ORC4: variants seen among roughly 807,000 people sequenced by gnomAD.
The protein encoded by ORC4 is origin recognition complex subunit 4.
ORC4 carries 55 observed loss-of-function variants against 63.9 expected under a neutral mutation model. That is an observed-to-expected ratio of 0.86 (90% confidence interval 0.69 to 1.08). ORC4 has a LOEUF of 1.08. Ranked by LOEUF, ORC4 falls within the 50% of genes least tolerant of loss-of-function variation. The pLI is 0.00. For missense variants in ORC4, 511 were observed against 504.4 expected, an observed-to-expected ratio of 1.01 and a Z score of -0.13; for synonymous variants, 150 against 168.5, an observed-to-expected ratio of 0.89 and a Z score of 0.85.
In ORC4 at chr2:147,938,301, T is replaced by C. The variant is rs747012109; in HGVS notation, c.1051A>G (p.Asn351Asp). The change falls in exon 12 of 14, where the codon AAT becomes GAT. Residue 351 changes from asparagine to aspartate, a missense_variant. By Grantham distance (23) the Asn-to-Asp change is conservative. Transcript: ENST00000392857. ...AGCTACTTAAGTCTCATCTCACCAT[T>C]ATAGACCATTTGAAAATTAAATGGC... ...EEPFNFQMVY[N>D]EFQKFVQRKA... is the part of the protein sequence containing the mutation. 1 of 1,599,882 alleles carries C rather than the reference T, an allele frequency of 6.3e-7. No individual in the cohort carries two copies. The highest frequency in any genetic ancestry group is 1.1e-5 in the South Asian group (1 of 90,794).
At chr2:147,984,546 C>G (rs1226652555) in intron 1 of ORC4, among the ~76,000 whole-genome samples, 1 of 151,966 alleles carries the variant, frequency 6.6e-6, no homozygotes, top group African/African-American at 2.4e-5. Flanking sequence ...GTGTTTCGAC[C>G]CCTAACCCTT....
chr2:147,961,922 C>G (rs1689617076), intron 4 of ORC4, among the ~76,000 whole-genome samples: 1 of 152,092 alleles, frequency 6.6e-6, no homozygotes, highest in Admixed American at 6.5e-5. Flanking sequence ...AGATTAAGTT[C>G]AGATTTAAAA....
rs118118261 is a variant in ORC4 at position 148,008,167 on chromosome 2, T to C, written c.-18+12466A>G. On this transcript the variant is annotated intron_variant, in intron 1 of 13. Transcript: ENST00000392857. ...AAAATGCTAAAGGGAAGTTCTTCAA[T>C]CTGAAAGAAAAGGACATTAACAAGC... Among the ~76,000 whole-genome samples the C allele has an allele frequency of 9.1e-4, 139 of 152,268 alleles. 3 individuals are homozygous for C. The East Asian group carries it at 0.025, about 27-fold the overall frequency.
chr2:147,949,056 C>A (rs1688810803), intron 8 of ORC4, among the ~76,000 whole-genome samples: 1 of 124,794 alleles, frequency 8.0e-6, no homozygotes. Context: ...TATATATATA[C>A]AGTATAGTAT....
chr2:147,984,211 T>C (rs1207396322), intron 1 of ORC4, among the ~76,000 whole-genome samples: 1 of 152,124 alleles, frequency 6.6e-6, no homozygotes, highest in Non-Finnish European at 1.5e-5. Flanking sequence ...CCTCCACCTC[T>C]TCTACCCCTA....
intron 6 of ORC4, among the ~76,000 whole-genome samples, chr2:147,957,857 G>T (rs1456654867): frequency 1.3e-5 from 2 of 152,058 alleles, no homozygotes; most frequent in African/African-American, 4.8e-5. Flanking sequence ...GCAGTCAAAG[G>T]GTTGTAAGGC....
chr2:147,941,578 C>A (rs902908476), intron 10 of ORC4, among the ~76,000 whole-genome samples: 6 of 151,788 alleles, frequency 4.0e-5, no homozygotes, highest in Admixed American at 1.3e-4. Context: ...CACAGTAAGA[C>A]AATGACAACA....
chr2:147,939,029 A>C lies in ORC4; in HGVS notation c.958+111T>G. ...TAAGTTAAAGGCTATATGGATACGA[A>C]AGTATTTTATAAAGCATTATGCCCA... On this transcript the variant is annotated intron_variant, in intron 11 of 13. Transcript: ENST00000392857. 5.5e-6 allele frequency: 4 copies of C among 722,678 alleles called. No individual in the cohort carries two copies. The South Asian group carries it at 5.9e-5, about 11-fold the overall frequency. The allele number at this position is 722,678 out of a possible 1,614,324, so 44.8% of individuals were successfully genotyped here.
chr2:147,958,925 C>A, intron 4 of ORC4, 59 bp from the exon 5 acceptor site: 3 of 730,110 alleles, frequency 4.1e-6, no homozygotes, highest in South Asian at 3.2e-5. Context: ...AGTCCATATT[C>A]GTTTTTAAAC....
At chr2:147,978,811 A>G (rs561821672) in intron 1 of ORC4, among the ~76,000 whole-genome samples, 1 of 152,250 alleles carries the variant, frequency 6.6e-6, no homozygotes, top group South Asian at 2.1e-4. Context: ...CAACATATGT[A>G]AATCTATAAA....
intron 8 of ORC4, 57 bp downstream of exon 8, chr2:147,952,316 T>G: frequency 1.5e-6 from 2 of 1,326,766 alleles, no homozygotes; most frequent in Non-Finnish European, 2.1e-6. Flanking sequence ...GTGTCAGCAA[T>G]TAAGCTTGAA....
Position 147,935,366 on chromosome 2 carries a change from C to A in ORC4, c.*144G>T. On this transcript the variant is annotated 3_prime_UTR_variant, in exon 14 of 14. Transcript: ENST00000392857. The stretch of plus-strand genomic sequence containing the variant: ...AACTGTTCATGATTAAAAGGCAAGA[C>A]ACAGCCAAGACAGTAGATGGGCAAG... 1 of 673,908 alleles carries A rather than the reference C, an allele frequency of 1.5e-6. No individual in the cohort carries two copies. The highest frequency in any genetic ancestry group is 1.7e-5 in the South Asian group (1 of 58,688). The allele number at this position is 673,908 out of a possible 1,614,324, so 41.7% of individuals were successfully genotyped here. A position where few individuals can be genotyped will look rare whatever the true frequency, so the allele number is the denominator to read the frequency against.
chr2:147,974,570 G>A (rs1690423153), intron 2 of ORC4, among the ~76,000 whole-genome samples: 1 of 151,636 alleles, frequency 6.6e-6, no homozygotes, highest in African/African-American at 2.4e-5. Flanking sequence ...AGGAGGCAGA[G>A]GTTGCAGTGA....
At chr2:147,968,610 T>C (rs1046915838) in intron 4 of ORC4, among the ~76,000 whole-genome samples, 3 of 151,896 alleles carry the variant, frequency 2.0e-5, no homozygotes, top group African/African-American at 7.2e-5. Context: ...AGTTAGGATG[T>C]CTATTTTCAG....
chr2:147,992,722 T>C (rs1691697127), intron 1 of ORC4, among the ~76,000 whole-genome samples: 1 of 152,184 alleles, frequency 6.6e-6, no homozygotes, highest in South Asian at 2.1e-4. Context: ...AAGGAAATGA[T>C]ACTCCAAAAT....
intron 4 of ORC4, among the ~76,000 whole-genome samples, chr2:147,964,746 T>C (rs1689800900): frequency 6.6e-6 from 1 of 152,192 alleles, no homozygotes; most frequent in South Asian, 2.1e-4. Context: ...TTCTTCTTCT[T>C]TATAGCAGAT....
At chr2:147,935,799 C>CA in intron 13 of ORC4, 101 bp from the exon 14 acceptor site, 2 of 996,294 alleles carry the variant, frequency 2.0e-6, no homozygotes, top group East Asian at 4.8e-5. Context: ...AGCTGCAGAA[C>CA]AGAGTACTGG....
intron 1 of ORC4, among the ~76,000 whole-genome samples, chr2:147,986,814 C>CACACACA (rs397986185): frequency 6.6e-6 from 1 of 150,734 alleles, no homozygotes. Flanking sequence ...CACACACACA[C>CACACACA]TAGTGACCTT....
chr2:148,013,842 G>C (rs1028757965), intron 1 of ORC4, among the ~76,000 whole-genome samples: 3 of 152,108 alleles, frequency 2.0e-5, no homozygotes, highest in Non-Finnish European at 4.4e-5. Flanking sequence ...TGGCAGACAG[G>C]ACCAACCTTT....
Sources: allele counts gnomAD v4.1 joint callset (sites outside exome capture counted in the v4.1 genomes callset), GRCh38; gene constraint gnomAD v4.1.1; transcripts MANE v1.5; gene names NCBI Gene and HGNC (gene_info 2026-07-23, HGNC 2026-07-21).